The following CEP128 variants were observed in gnomAD, a reference collection of about 807,000 sequenced individuals.
The protein encoded by CEP128 is centrosomal protein 128kDa.
CEP128 carries 132 observed loss-of-function variants against 156.7 expected under a neutral mutation model. The observed-to-expected ratio is 0.84, with a 90% CI of 0.73 to 0.97. The LOEUF is 0.97. Among genes scored for constraint, CEP128 ranks in the 50% least tolerant of loss-of-function variants. The probability of loss-of-function intolerance (pLI) is 0.00; values close to 1 mark genes in which losing one functional copy is unlikely to be tolerated. For missense variants in CEP128, 1,252 were observed against 1,281.9 expected (o/e 0.98, Z 0.36); for synonymous variants, 469 against 448.9 (o/e 1.04, Z -0.57).
chr14:80,853,230 T>G (rs1458761935), intron 9 of CEP128, among the ~76,000 whole-genome samples: 1 of 151,738 alleles, frequency 6.6e-6, no homozygotes, highest in African/African-American at 2.4e-5. Context: ...CATACAAATA[T>G]AGAAGTAACA....
chr14:80,523,786 G>T (rs1381242206), intron 23 of CEP128, among the ~76,000 whole-genome samples: 3 of 152,132 alleles, frequency 2.0e-5, no homozygotes, highest in Non-Finnish European at 4.4e-5. Flanking sequence ...TACAGAAAAA[G>T]GAAACATGTC....
intron 13 of CEP128, among the ~76,000 whole-genome samples, chr14:80,820,518 G>A (rs967306041): frequency 6.6e-6 from 1 of 152,194 alleles, no homozygotes; most frequent in Non-Finnish European, 1.5e-5. Flanking sequence ...CATCCCAATC[G>A]TGAAATCTTT....
At chr14:80,794,349 A>G (rs1862274321) in intron 13 of CEP128, among the ~76,000 whole-genome samples, 1 of 152,178 alleles carries the variant, frequency 6.6e-6, no homozygotes, top group African/African-American at 2.4e-5. Flanking sequence ...CCTCAAAAAC[A>G]AACTTCATTT....
At chr14:80,805,464 A>G (rs930520185) in intron 13 of CEP128, among the ~76,000 whole-genome samples, 3 of 152,152 alleles carry the variant, frequency 2.0e-5, no homozygotes, top group African/African-American at 7.2e-5. Flanking sequence ...TATTATAAAC[A>G]CTTACTAATA....
At chr14:80,617,308 G>A (rs1328382939) in intron 19 of CEP128, among the ~76,000 whole-genome samples, 1 of 126,564 alleles carries the variant, frequency 7.9e-6, no homozygotes, top group Non-Finnish European at 1.6e-5. Context: ...TTGGCTCACT[G>A]CAAGCTCCAC....
chr14:80,609,744 C>T (rs774022391), intron 19 of CEP128, among the ~76,000 whole-genome samples: 23 of 151,904 alleles, frequency 1.5e-4, no homozygotes, highest in Non-Finnish European at 2.8e-4. Flanking sequence ...GAAATCAGTC[C>T]GTTTGGAAAG....
chr14:80,834,668 G>C lies in CEP128; in HGVS notation c.1057+1537C>G, dbSNP rs572850584. Among the ~76,000 whole-genome samples, 11 of 152,218 alleles carry C rather than the reference G, an allele frequency of 7.2e-5. No individual in the cohort carries two copies. The East Asian group carries it at 2.1e-3, about 29-fold the overall frequency. Reference sequence around the variant, plus strand: ...TTTTAGTCCTCAAAGACTTACAACAGAAATAATTACATTTTATGAGGTATC... The same window carrying C: ...TTTTAGTCCTCAAAGACTTACAACACAAATAATTACATTTTATGAGGTATC... On this transcript the variant is annotated intron_variant, in intron 12 of 24. Coordinates refer to ENST00000555265, the MANE Select transcript of CEP128 (RefSeq NM_152446.5).
chr14:80,548,671 A>C (rs1890087819), intron 21 of CEP128, among the ~76,000 whole-genome samples: 1 of 152,228 alleles, frequency 6.6e-6, no homozygotes, highest in Admixed American at 6.5e-5. Flanking sequence ...GCTGTTCTTA[A>C]TATTGTTTAG....
intron 21 of CEP128, among the ~76,000 whole-genome samples, chr14:80,535,524 T>C (rs1340704705): frequency 6.6e-6 from 1 of 152,204 alleles, no homozygotes; most frequent in East Asian, 1.9e-4. Flanking sequence ...CCATAAAGAA[T>C]GTAATCTCAC....
At chr14:80,826,947 G>A (rs17111140) in intron 13 of CEP128, among the ~76,000 whole-genome samples, 2,711 of 152,194 alleles carry the variant, frequency 0.018, 27 homozygotes, top group Middle Eastern at 0.068. Flanking sequence ...TTTACAAGAA[G>A]GGAAAAGTGT....
rs1428333842 is a variant in CEP128, at chr14:80,676,985, A to G, written c.2806+66090T>C. Among the ~76,000 whole-genome samples the G allele has an allele frequency of 1.7e-4, 26 of 152,102 alleles. No homozygotes were observed. The Admixed American group carries it at 1.7e-3, about 10-fold the overall frequency. ...CTTGTACTCCTTTTCTGATTTTGGT[A>G]TCAGAATTATATTGGCCTCACATTT... On this transcript the variant is annotated intron_variant, in intron 19 of 24. Coordinates refer to ENST00000555265, the MANE Select transcript of CEP128 (RefSeq NM_152446.5).
chr14:80,853,821 T>C (rs1295821892), intron 9 of CEP128, among the ~76,000 whole-genome samples: 1 of 151,860 alleles, frequency 6.6e-6, no homozygotes, highest in Non-Finnish European at 1.5e-5. Context: ...GCAAAGCATA[T>C]AGAGGTCAGA....
At chr14:80,753,781 T>C (rs963988002) in intron 18 of CEP128, among the ~76,000 whole-genome samples, 4 of 152,202 alleles carry the variant, frequency 2.6e-5, no homozygotes, top group Non-Finnish European at 4.4e-5. Context: ...TCTGGGACAC[T>C]ACATGATCAT....
chr14:80,661,543 G>A (rs1032717903), intron 19 of CEP128, among the ~76,000 whole-genome samples: 4 of 152,114 alleles, frequency 2.6e-5, no homozygotes, highest in African/African-American at 4.8e-5. Flanking sequence ...TGTTTTCAAC[G>A]AGAATATTTG....
intron 20 of CEP128, among the ~76,000 whole-genome samples, chr14:80,561,295 C>G: frequency 6.6e-6 from 1 of 152,206 alleles, no homozygotes; most frequent in East Asian, 1.9e-4. Flanking sequence ...GGGCCTCACC[C>G]TTACCCTCAT....
chr14:80,793,219 A>G, intron 13 of CEP128, 109 bp from the exon 14 acceptor site: 1 of 747,838 alleles, frequency 1.3e-6, no homozygotes, highest in Non-Finnish European at 2.1e-6. Context: ...AATCATCTGT[A>G]TTAAAATTCA....
chr14:80,654,632 AG>A (rs1895051569), intron 19 of CEP128, among the ~76,000 whole-genome samples: 1 of 152,150 alleles, frequency 6.6e-6, no homozygotes, highest in Non-Finnish European at 1.5e-5. Context: ...CTAACTGCCA[AG>A]TGCAATGTCC....
intron 21 of CEP128, 148 bp downstream of exon 21, chr14:80,559,131 G>A: frequency 1.4e-6 from 1 of 692,566 alleles, no homozygotes; most frequent in Non-Finnish European, 2.5e-6. Flanking sequence ...ATACCTTTTA[G>A]ATACAGTTTA....
chr14:80,506,501 T>C (rs1887982763), intron 23 of CEP128, among the ~76,000 whole-genome samples: 1 of 150,980 alleles, frequency 6.6e-6, no homozygotes, highest in African/African-American at 2.4e-5. Flanking sequence ...GTTAAGACCA[T>C]AACTGAGGAT....
Sources: gnomAD v4.1 joint callset for allele counts (sites outside exome capture counted in the v4.1 genomes callset) on GRCh38, gnomAD v4.1.1 for gene constraint, MANE v1.5 for transcripts, NCBI Gene and HGNC (gene_info 2026-07-23, HGNC 2026-07-21) for gene names.